PRLR: variants seen among roughly 807,000 people sequenced by gnomAD.
PRLR encodes the protein prolactin receptor.
Under a neutral mutation model 40.2 loss-of-function variants are expected in PRLR, and 13 were observed. The observed-to-expected ratio is 0.32, with a 90% CI of 0.21 to 0.51. The LOEUF is 0.51. Ranked by LOEUF, PRLR falls within the 20% of genes least tolerant of loss-of-function variation. The pLI is 0.97. For synonymous variants in PRLR, 269 were observed against 278.7 expected (o/e 0.97, Z 0.35); for missense variants, 656 against 747.3 (o/e 0.88, Z 1.42).
Position 35,174,230 on chromosome 5 carries a change from C to T in PRLR, c.-106+56038G>A, listed in dbSNP as rs186952703. The stretch of plus-strand genomic sequence containing the variant: ...TCAGCCTCCCAAGTAGCTGGGACTA[C>T]AGGCGTAGGCCGCCACGCCCGGCTA... On this transcript the variant is annotated intron_variant, in intron 1 of 9. Coordinates refer to ENST00000618457, the MANE Select transcript of PRLR (RefSeq NM_000949.7). Among the ~76,000 whole-genome samples, 363 of 152,260 alleles carry T rather than the reference C, an allele frequency of 2.4e-3. 2 individuals are homozygous for T. The highest frequency in any genetic ancestry group is 8.3e-3 in the African/African-American group (346 of 41,558).
intron 1 of PRLR, among the ~76,000 whole-genome samples, chr5:35,166,627 C>G (rs1376548233): frequency 6.6e-6 from 1 of 152,040 alleles, no homozygotes; most frequent in Non-Finnish European, 1.5e-5. Context: ...TCAATATTCT[C>G]CTTTCAATCT....
At chr5:35,127,148 A>C (rs763622600) in intron 1 of PRLR, among the ~76,000 whole-genome samples, 10 of 152,182 alleles carry the variant, frequency 6.6e-5, no homozygotes, top group Admixed American at 3.9e-4. Flanking sequence ...GTGAAGGGCA[A>C]ATCTGATGCC....
At chr5:35,055,386 G>A (rs59980378), downstream of PRLR, among the ~76,000 whole-genome samples, 6,370 of 152,126 alleles carry the variant, frequency 0.042, 432 homozygotes, top group African/African-American at 0.15. Context: ...GCTCGAGTCT[G>A]GCAGATGAAT....
chr5:35,066,384 C>A (rs1229278362), intron 9 of PRLR, among the ~76,000 whole-genome samples: 1 of 152,018 alleles, frequency 6.6e-6, no homozygotes, highest in Non-Finnish European at 1.5e-5. Context: ...AAACAGATAA[C>A]TATAAAATGA....
At chr5:35,208,175 G>GTGCACACACACACA (rs1554056233) in intron 1 of PRLR, among the ~76,000 whole-genome samples, 2 of 145,346 alleles carry the variant, frequency 1.4e-5, no homozygotes, top group Non-Finnish European at 3.0e-5. Flanking sequence ...ACCCACGCGC[G>GTGCACACACACACA]CGCACACACA....
At chr5:35,193,225 G>A (rs977836106) in intron 1 of PRLR, among the ~76,000 whole-genome samples, 1 of 152,118 alleles carries the variant, frequency 6.6e-6, no homozygotes, top group African/African-American at 2.4e-5. Flanking sequence ...TGGGGACAAG[G>A]AGCAAAATAT....
chr5:35,228,388 C>G (rs1776607429), intron 1 of PRLR, among the ~76,000 whole-genome samples: 1 of 152,174 alleles, frequency 6.6e-6, no homozygotes, highest in African/African-American at 2.4e-5. Flanking sequence ...ATGTGCCTTG[C>G]TGGCACTGCT....
chr5:35,181,340 C>A (rs1453558858), intron 1 of PRLR, among the ~76,000 whole-genome samples: 1 of 152,116 alleles, frequency 6.6e-6, no homozygotes, highest in Non-Finnish European at 1.5e-5. Context: ...GAAGGGTGAG[C>A]CACATGTTGC....
intron 3 of PRLR, among the ~76,000 whole-genome samples, chr5:35,088,085 A>T (rs1359016677): frequency 6.6e-6 from 1 of 152,204 alleles, no homozygotes; most frequent in Non-Finnish European, 1.5e-5. Context: ...GCGTGGGAAG[A>T]GGATTCTCTA....
chr5:35,228,815 C>T (rs1031167854), intron 1 of PRLR, among the ~76,000 whole-genome samples: 6 of 152,104 alleles, frequency 3.9e-5, no homozygotes, highest in Non-Finnish European at 7.4e-5. Flanking sequence ...GGATTACTCC[C>T]ACAGTCAGCC....
At chr5:35,132,145 G>A (rs1228140403) in intron 1 of PRLR, among the ~76,000 whole-genome samples, 3 of 152,158 alleles carry the variant, frequency 2.0e-5, no homozygotes, top group Non-Finnish European at 2.9e-5. Context: ...TTATTCAGGG[G>A]TAATTGATTT....
intron 1 of PRLR, among the ~76,000 whole-genome samples, chr5:35,192,934 G>A (rs1775644664): frequency 6.6e-6 from 1 of 152,188 alleles, no homozygotes; most frequent in Non-Finnish European, 1.5e-5. Context: ...GACTGATGCT[G>A]TGCTGAGATC....
At chr5:35,098,519 A>C (rs530594313) in intron 2 of PRLR, among the ~76,000 whole-genome samples, 3 of 152,350 alleles carry the variant, frequency 2.0e-5, no homozygotes, top group Admixed American at 1.3e-4. Flanking sequence ...GGAGGACATA[A>C]GTTTTGCAAG....
chr5:35,080,810 G>T (rs977957030), intron 5 of PRLR, among the ~76,000 whole-genome samples: 3 of 152,046 alleles, frequency 2.0e-5, no homozygotes, highest in African/African-American at 7.2e-5. Context: ...ATCAATGATG[G>T]ACTGGATTAA....
chr5:35,135,476 T>TCAA (rs1773827854), intron 1 of PRLR: 1 of 152,368 alleles, frequency 6.6e-6, no homozygotes, highest in South Asian at 2.1e-4. Flanking sequence ...TATTGATCTG[T>TCAA]TTTGTGTCTG....
intron 1 of PRLR, among the ~76,000 whole-genome samples, chr5:35,139,222 C>A (rs562572358): frequency 6.6e-6 from 1 of 152,134 alleles, no homozygotes; most frequent in Non-Finnish European, 1.5e-5. Flanking sequence ...GCAACCTCTG[C>A]CTCCTGGGTT....
At chr5:35,109,043 A>T (rs541178076) in intron 2 of PRLR, among the ~76,000 whole-genome samples, 1 of 152,318 alleles carries the variant, frequency 6.6e-6, no homozygotes, top group African/African-American at 2.4e-5. Flanking sequence ...AACAGAACAG[A>T]GCCCTCATAA....
At chr5:35,151,825 C>T (rs1310802237) in intron 1 of PRLR, among the ~76,000 whole-genome samples, 1 of 152,188 alleles carries the variant, frequency 6.6e-6, no homozygotes, top group Non-Finnish European at 1.5e-5. Flanking sequence ...AGAACCCAGA[C>T]ATTACACAAC....
At chr5:35,182,811 C>T (rs1315823697) in intron 1 of PRLR, among the ~76,000 whole-genome samples, 1 of 152,234 alleles carries the variant, frequency 6.6e-6, no homozygotes, top group Admixed American at 6.5e-5. Flanking sequence ...CTTAACCTCA[C>T]TGGGCACTGC....
Sources: gnomAD v4.1 joint callset for allele counts (sites outside exome capture counted in the v4.1 genomes callset) on GRCh38, gnomAD v4.1.1 for gene constraint, MANE v1.5 for transcripts, NCBI Gene and HGNC (gene_info 2026-07-23, HGNC 2026-07-21) for gene names.